The following C15orf39 variants were observed in gnomAD, a reference collection of about 807,000 sequenced individuals.
C15orf39 encodes the protein uncharacterized protein C15orf39.
C15orf39 carries 24 observed loss-of-function variants against 53.9 expected under a neutral mutation model. The observed-to-expected ratio is 0.45, with a 90% CI of 0.32 to 0.63. The LOEUF is 0.63. Among genes scored for constraint, C15orf39 ranks in the 20% least tolerant of loss-of-function variants. The pLI is 0.04. For synonymous variants in C15orf39, 569 were observed against 576.5 expected (o/e 0.99, Z 0.19); for missense variants, 1,271 against 1,347.9 (o/e 0.94, Z 0.89).
At position 75,206,716 on chromosome 15, in the gene C15orf39, C is replaced by T. The variant is rs1694020045; in HGVS notation, c.668C>T (p.Thr223Met). ...GAGAAATATCAGACCATCCACAGCA[C>T]GGGCTTCCTGGCCTCCAGGTACACA... ...FLEKYQTIHS[T>M]GFLASRYTGP... Residue 223 changes from threonine to methionine, a missense_variant, in exon 2 of 3, where the codon ACG becomes ATG. Coordinates refer to ENST00000394987, the MANE Select transcript of C15orf39 (RefSeq NM_015492.5). 8 of 1,613,672 alleles carry T rather than the reference C, an allele frequency of 5.0e-6. No individual in the cohort carries two copies. In the East Asian group the frequency reaches 6.7e-5, roughly 13 times the overall value.
rs761068022 is a variant in C15orf39 at position 75,207,211 on chromosome 15, A to G, written c.1163A>G (p.Tyr388Cys). The change falls in exon 2 of 3, where the codon TAT (tyrosine) becomes TGT (cysteine). Residue 388 changes from tyrosine (Y) to cysteine (C), a missense_variant. This residue lies in a region of C15orf39 where 994 missense variants were observed against 993.7 expected (regional missense o/e 1.00). Coordinates refer to ENST00000394987, the MANE Select transcript of C15orf39 (RefSeq NM_015492.5). ...FPYARDDLSL[Y>C]GASPGLGGTP... ...TATGCCCGGGATGACCTCTCTCTCT[A>G]TGGAGCATCCCCTGGGCTTGGAGGG... The G allele has an allele frequency of 7.6e-5, 123 of 1,613,430 alleles. No homozygotes were observed. Among genetic ancestry groups the G allele is most frequent in the Non-Finnish European group, 9.7e-5 (115 of 1,179,926 alleles).
In C15orf39 at chr15:75,208,345, A is replaced by T; in HGVS notation, c.2297A>T (p.His766Leu). The change falls in exon 2 of 3, where the codon CAT (histidine) becomes CTT (leucine). Residue 766 changes from histidine to leucine, a missense_variant. Physicochemically the swap from His to Leu is moderately conservative, Grantham distance 99 (BLOSUM62 -3). Coordinates refer to ENST00000394987, the MANE Select transcript of C15orf39 (RefSeq NM_015492.5). The stretch of plus-strand genomic sequence containing the variant: ...GCCCCAGGGGACTCCCTGGAGCAGC[A>T]TTTTACAGGACTACATGCGTCCCTG... ...TSAPGDSLEQ[H>L]FTGLHASLCD... The T allele has an allele frequency of 6.3e-7, 1 of 1,584,628 alleles. No individual in the cohort carries two copies. The highest frequency in any genetic ancestry group is 8.6e-7 in the Non-Finnish European group (1 of 1,165,118).
chr15:75,201,913 C>G lies in C15orf39; in HGVS notation c.-197C>G, dbSNP rs1051997792. On this transcript the variant is annotated 5_prime_UTR_variant, in exon 1 of 3. Coordinates refer to ENST00000394987, the MANE Select transcript of C15orf39 (RefSeq NM_015492.5). This position sits in a 1 kb window ranked among gnomAD's most constrained non-coding sequence, Gnocchi z 4.7. ...CGCCCAGCGGCGGCGCGAACGGCAGCTAGGAGGGTTGCTCCGGGCTTGGTG... is the reference window on the plus strand; with the variant it reads ...CGCCCAGCGGCGGCGCGAACGGCAGGTAGGAGGGTTGCTCCGGGCTTGGTG... 1.3e-5 allele frequency: 2 copies of G among 151,944 alleles called. No individual in the cohort carries two copies. Among genetic ancestry groups the G allele is most frequent in the African/African-American group, 2.4e-5 (1 of 41,424 alleles). 9.4% of individuals were successfully genotyped at this position (151,944 alleles called of 1,614,324 possible). A position where few individuals can be genotyped will look rare whatever the true frequency, so the allele number is the denominator to read the frequency against.
chr15:75,207,865 C>T lies in C15orf39; in HGVS notation c.1817C>T (p.Pro606Leu). The T allele has an allele frequency of 6.2e-7, 1 of 1,613,572 alleles. No homozygotes were observed. The highest frequency in any genetic ancestry group is 8.5e-7 in the Non-Finnish European group (1 of 1,179,946). ...HAKPTAAMDVPDVGNMVSDLP... is the reference protein window; with the variant it reads ...HAKPTAAMDVLDVGNMVSDLP... ...AAGCCTACTGCAGCCATGGATGTGC[C>T]AGATGTGGGCAACATGGTGTCAGAT... The change falls in exon 2 of 3, where the codon CCA becomes CTA. Residue 606 changes from proline to leucine, a missense_variant. Pro to Leu is a moderately conservative substitution (Grantham distance 98). Around this residue, in one of 2 missense-constraint regions of C15orf39, gnomAD observed 994 missense variants for 993.7 expected, o/e 1.00. Transcript: ENST00000394987.
chr15:75,207,452 A>G lies in C15orf39; in HGVS notation c.1404A>G (p.Pro468=), dbSNP rs2070449027. 3 of 1,613,386 alleles carry G rather than the reference A, an allele frequency of 1.9e-6. No homozygotes were observed. The highest frequency in any genetic ancestry group is 1.7e-5 in the Admixed American group (1 of 59,986). Residue 468 remains proline (P), a synonymous_variant, in exon 2 of 3, where the codon CCA becomes CCG. Transcript: ENST00000394987. ...CGCCCATCGTCATCCGAGACAGTCC[A>G]GTTCCCTGTACCCCCCCAGCACTGC... is the stretch of plus-strand genomic sequence containing the variant. The part of the protein sequence containing the change: ...SGPPIVIRDS[P]VPCTPPALPP...
rs142836817 is a variant in C15orf39, at chr15:75,207,605, G to A, written c.1557G>A (p.Pro519=). ...CCTACCGTGACTATCTGGATGTGCC[G>A]GCACCCGAGGCCACAACTGAGCCTG... is the stretch of plus-strand genomic sequence containing the variant. The part of the protein sequence containing the change: ...LAPYRDYLDV[P]APEATTEPDS... The change falls in exon 2 of 3, where the codon CCG becomes CCA. Residue 519 remains proline, a synonymous_variant. Transcript: ENST00000394987. 40 of 1,613,250 alleles carry A rather than the reference G, an allele frequency of 2.5e-5. No homozygotes were observed. Among genetic ancestry groups the A allele is most frequent in the Middle Eastern group, 3.3e-4 (2 of 6,084 alleles).
Position 75,207,849 on chromosome 15 carries a change from G to A in C15orf39, c.1801G>A (p.Ala601Thr), listed in dbSNP as rs778086864. The A allele has an allele frequency of 6.2e-7, 1 of 1,613,448 alleles. No individual in the cohort carries two copies. The highest frequency in any genetic ancestry group is 1.1e-5 in the South Asian group (1 of 91,042). The change falls in exon 2 of 3, where the codon GCA becomes ACA. Residue 601 changes from alanine (A) to threonine (T), a missense_variant. Physicochemically the swap from Ala to Thr is moderately conservative, Grantham distance 58. Transcript: ENST00000394987. Reference sequence around the variant, plus strand: ...TTCTGTGGAGCATGCCAAGCCTACTGCAGCCATGGATGTGCCAGATGTGGG... The same window carrying A: ...TTCTGTGGAGCATGCCAAGCCTACTACAGCCATGGATGTGCCAGATGTGGG... ...SRSVEHAKPT[A>T]AMDVPDVGNM...
At position 75,207,611 on chromosome 15, in the gene C15orf39, C is replaced by T. The variant is rs375267478; in HGVS notation, c.1563C>T (p.Pro521=). ...GTGACTATCTGGATGTGCCGGCACC[C>T]GAGGCCACAACTGAGCCTGACTCTG... ...PYRDYLDVPA[P]EATTEPDSAT... The change falls in exon 2 of 3, where the codon CCC becomes CCT. Residue 521 remains proline (P), a synonymous_variant. Transcript: ENST00000394987. 1.2e-5 allele frequency: 19 copies of T among 1,613,192 alleles called. No individual in the cohort carries two copies. In the East Asian group the frequency reaches 1.3e-4, roughly 11 times the overall value.
At chr15:75,201,712 G>A (rs1012941028), upstream of C15orf39, among the ~76,000 whole-genome samples, 28 of 152,240 alleles carry the variant, frequency 1.8e-4, no homozygotes, top group African/African-American at 5.8e-4. The surrounding 1 kb of genome is among the most constrained non-coding windows in gnomAD (Gnocchi z 4.7). Flanking sequence ...TGGCGGTTAC[G>A]GGCGGTGCAC....
In C15orf39 at chr15:75,208,338, G is replaced by T; in HGVS notation, c.2290G>T (p.Glu764Ter). ...ASTSAPGDSL[E>*]QHFTGLHASL... ...TACTTCAGCCCCAGGGGACTCCCTG[G>T]AGCAGCATTTTACAGGACTACATGC... is the stretch of plus-strand genomic sequence containing the variant. Residue 764 changes from glutamate (E) to a stop codon, truncating the protein, a stop_gained, in exon 2 of 3, where the codon GAG (glutamate) becomes TAG (stop). Coordinates refer to ENST00000394987, the MANE Select transcript of C15orf39 (RefSeq NM_015492.5). LOFTEE classifies it high-confidence loss of function. 1.3e-6 allele frequency: 2 copies of T among 1,581,070 alleles called. No homozygotes were observed. Among genetic ancestry groups the T allele is most frequent in the Non-Finnish European group, 8.6e-7 (1 of 1,163,212 alleles).
chr15:75,198,893 C>T (rs903444598), upstream of C15orf39: 21 of 152,224 alleles, frequency 1.4e-4, no homozygotes, highest in African/African-American at 4.3e-4. Context: ...CCAGCTGCCA[C>T]TCAGCAACTG....
intron 1 of C15orf39, among the ~76,000 whole-genome samples, chr15:75,204,921 T>A (rs1249615336): frequency 1.3e-5 from 2 of 152,190 alleles, no homozygotes; most frequent in Admixed American, 1.3e-4. Flanking sequence ...AGGCTCCTCA[T>A]GCTCTGGGAC....
intron 2 of C15orf39, 142 bp from the exon 3 acceptor site, chr15:75,210,607 G>C: frequency 8.1e-7 from 1 of 1,237,970 alleles, no homozygotes; most frequent in Non-Finnish European, 1.1e-6. Flanking sequence ...GGATGGTCTG[G>C]CCAGTGGGCA....
rs1379340033 is a variant in C15orf39, at chr15:75,207,770, G to A, written c.1722G>A (p.Leu574=). The A allele has an allele frequency of 6.2e-7, 1 of 1,611,250 alleles. No homozygotes were observed. ...GCTCACTTAAGGAGGAGGTAGCCCT[G>A]GATTTGAGTGTGAGGAAGCCCACAG... ...LRGSLKEEVA[L]DLSVRKPTAE... Residue 574 remains leucine, a synonymous_variant, in exon 2 of 3, where the codon CTG becomes CTA. Transcript: ENST00000394987.
intron 1 of C15orf39, among the ~76,000 whole-genome samples, chr15:75,204,057 T>C (rs917836443): frequency 2.4e-4 from 36 of 152,190 alleles, no homozygotes; most frequent in African/African-American, 7.7e-4. Context: ...CCTTGTGTTT[T>C]CTAACCCCAA....
At chr15:75,210,715 G>C in intron 2 of C15orf39, 34 bp from the exon 3 acceptor site, 1 of 1,567,928 alleles carries the variant, frequency 6.4e-7, no homozygotes. Flanking sequence ...TGAGGGTATG[G>C]GGTCTGCAGG....
At position 75,206,528 on chromosome 15, in the gene C15orf39, T is replaced by G; in HGVS notation, c.480T>G (p.Thr160=). Residue 160 remains threonine (T), a synonymous_variant, in exon 2 of 3, where the codon ACT becomes ACG. Coordinates refer to ENST00000394987, the MANE Select transcript of C15orf39 (RefSeq NM_015492.5). ...AGAGGCCACTGGATGTTGACTGGAC[T>G]CTGGCGACTGGGCCCCTGTTGCCCT... ...AVKRPLDVDW[T]LATGPLLPSA... 1.2e-6 allele frequency: 2 copies of G among 1,614,050 alleles called. No homozygotes were observed. The highest frequency in any genetic ancestry group is 2.2e-5 in the East Asian group (1 of 44,880).
rs775434920 is a variant in C15orf39, at chr15:75,206,182, G to T, written c.134G>T (p.Gly45Val). ...VGNQDPCTYK[G>V]SYFSCPMAGT... ...AACCAGGATCCCTGCACCTACAAGG[G>T]GTCCTACTTCTCCTGCCCCATGGCA... Residue 45 changes from glycine to valine, a missense_variant, in exon 2 of 3, where the codon GGG becomes GTG. Coordinates refer to ENST00000394987, the MANE Select transcript of C15orf39 (RefSeq NM_015492.5). 1.9e-6 allele frequency: 3 copies of T among 1,614,052 alleles called. No homozygotes were observed. Among genetic ancestry groups the T allele is most frequent in the East Asian group, 2.2e-5 (1 of 44,884 alleles).
rs2070481608 is a variant in C15orf39, at chr15:75,211,262, G to A, written c.*146G>A. The A allele has an allele frequency of 8.9e-7, 1 of 1,125,234 alleles. No homozygotes were observed. The highest frequency in any genetic ancestry group is 1.2e-6 in the Non-Finnish European group (1 of 815,686). 69.7% of individuals were successfully genotyped at this position (1,125,234 alleles called of 1,614,324 possible). On this transcript the variant is annotated 3_prime_UTR_variant, in exon 3 of 3. Transcript: ENST00000394987. ...TCTCTGACCCTGTGGCCCATTCAGG[G>A]TGGGCTGAAGAGCCCCTGAGCTTTT... is the stretch of plus-strand genomic sequence containing the variant.
Sources: allele counts gnomAD v4.1 joint callset (sites outside exome capture counted in the v4.1 genomes callset), GRCh38; gene constraint gnomAD v4.1.1; regional missense constraint gnomAD v4.1.1; non-coding constraint Gnocchi (gnomAD v3.1); transcripts MANE v1.5; gene names NCBI Gene and HGNC (gene_info 2026-07-23, HGNC 2026-07-21).